Variants in PHLDB2 observed in about 807,000 individuals in gnomAD.
PHLDB2 encodes pleckstrin homology like domain family B member 2.
In PHLDB2, 71 loss-of-function variants were observed where a neutral mutation model predicts 123.6. The observed-to-expected ratio is 0.57, with a 90% CI of 0.47 to 0.70. The LOEUF is 0.70. Ranked by LOEUF, PHLDB2 falls within the 30% of genes least tolerant of loss-of-function variation. The pLI, the probability that PHLDB2 is intolerant of heterozygous loss-of-function variation, is 0.00. For missense variants in PHLDB2, 1,446 were observed against 1,519.5 expected, an observed-to-expected ratio of 0.95 and a Z score of 0.80; for synonymous variants, 547 against 541.6, an observed-to-expected ratio of 1.01 and a Z score of -0.14.
intron 12 of PHLDB2, chr3:111,960,224 G>T (rs1445594195): frequency 5.9e-6 from 4 of 675,750 alleles, no homozygotes. Context: ...CTTAAAAAAA[G>T]ACGCAGCTTC....
chr3:111,733,660 T>C (rs1452557633), intron 1 of PHLDB2, among the ~76,000 whole-genome samples: 3 of 152,238 alleles, frequency 2.0e-5, no homozygotes, highest in African/African-American at 7.2e-5. Flanking sequence ...ATTGAGTGAT[T>C]CTTGAGGAAG....
intron 10 of PHLDB2, chr3:111,949,810 G>A (rs2070591436): frequency 2.0e-6 from 2 of 985,608 alleles, no homozygotes; most frequent in African/African-American, 1.7e-5. Context: ...TACATCTGTC[G>A]ATCCTTTACC....
At chr3:111,748,591 G>A (rs569105724) in intron 1 of PHLDB2, among the ~76,000 whole-genome samples, 7 of 151,894 alleles carry the variant, frequency 4.6e-5, no homozygotes, top group Non-Finnish European at 8.8e-5. Flanking sequence ...GCGCGATCTC[G>A]GCTCACTGCA....
At chr3:111,911,889 T>C (rs932521483) in intron 2 of PHLDB2, among the ~76,000 whole-genome samples, 4 of 152,248 alleles carry the variant, frequency 2.6e-5, no homozygotes, top group African/African-American at 7.2e-5. Context: ...AGGAGTTATG[T>C]TGGTCTGTTC....
chr3:111,760,572 T>A (rs1486976292), intron 1 of PHLDB2, among the ~76,000 whole-genome samples: 2 of 152,182 alleles, frequency 1.3e-5, no homozygotes, highest in Non-Finnish European at 2.9e-5. Flanking sequence ...ACATGGTTAT[T>A]AAAAGGTTTG....
chr3:111,859,111 A>T (rs1559871355), upstream of PHLDB2: 2 of 941,198 alleles, frequency 2.1e-6, no homozygotes, highest in Non-Finnish European at 2.5e-6. Flanking sequence ...CGCAGCTGGT[A>T]AACTTGCCCC....
chr3:111,874,019 A>G (rs1365235046), intron 1 of PHLDB2, among the ~76,000 whole-genome samples: 2 of 152,222 alleles, frequency 1.3e-5, no homozygotes, highest in Non-Finnish European at 2.9e-5. Context: ...GATTTTTCCT[A>G]TATGGATTTG....
chr3:111,960,964 G>C (rs2071373631), intron 12 of PHLDB2, among the ~76,000 whole-genome samples: 1 of 152,188 alleles, frequency 6.6e-6, no homozygotes, highest in Non-Finnish European at 1.5e-5. Context: ...TCAGCGATCA[G>C]AGAGCAAGCC....
At chr3:111,865,534 G>C (rs1055225958) in intron 1 of PHLDB2, among the ~76,000 whole-genome samples, 1 of 152,132 alleles carries the variant, frequency 6.6e-6, no homozygotes, top group Non-Finnish European at 1.5e-5. Context: ...GGAGCAGAAA[G>C]AACATGTAGT....
At chr3:111,938,066 T>C (rs1324808504) in intron 6 of PHLDB2, among the ~76,000 whole-genome samples, 2 of 152,244 alleles carry the variant, frequency 1.3e-5, no homozygotes, top group Non-Finnish European at 2.9e-5. Flanking sequence ...TGGTGGTGTT[T>C]AACCTTTTGA....
chr3:111,894,946 G>GTGTA (rs937923003), intron 2 of PHLDB2, among the ~76,000 whole-genome samples: 1 of 151,546 alleles, frequency 6.6e-6, no homozygotes, highest in African/African-American at 2.4e-5. Flanking sequence ...GTGTGTGTGT[G>GTGTA]TGTATGTATG....
chr3:111,960,198 G>C, intron 12 of PHLDB2: 1 of 857,366 alleles, frequency 1.2e-6, no homozygotes, highest in Non-Finnish European at 1.4e-6. Flanking sequence ...TTTGAGTAAT[G>C]AATTATTTCG....
intron 1 of PHLDB2, among the ~76,000 whole-genome samples, chr3:111,780,271 A>AAAGAAGAAGAAGAAGAAGAAG (rs1553726675): frequency 1.3e-4 from 1 of 7,772 alleles, no homozygotes; most frequent in African/African-American, 4.1e-4. Context: ...AAGAAGAAGA[A>AAAGAAGAAGAAGAAGAAGAAG]AAGAAGAAGA....
At chr3:111,951,183 T>C (rs1360960353) in intron 10 of PHLDB2, among the ~76,000 whole-genome samples, 1 of 152,234 alleles carries the variant, frequency 6.6e-6, no homozygotes, top group African/African-American at 2.4e-5. Context: ...AACTGCAAAG[T>C]ATTATTATCA....
intron 1 of PHLDB2, among the ~76,000 whole-genome samples, chr3:111,825,961 GATT>G (rs1218504610): frequency 6.6e-6 from 1 of 151,794 alleles, no homozygotes; most frequent in Non-Finnish European, 1.5e-5. Context: ...ATAAAATTTG[GATT>G]ATTTTATTTT....
At position 111,948,996 on chromosome 3, in the gene PHLDB2, C is replaced by G; in HGVS notation, c.2552C>G (p.Thr851Ser). ...AATTCCACGAATCTATCCCCTTCCACTCAGTTTCCTGCTGATGCTGATGCT... is the reference window on the plus strand; with the variant it reads ...AATTCCACGAATCTATCCCCTTCCAGTCAGTTTCCTGCTGATGCTGATGCT... The part of the protein sequence containing the change: ...CGNSTNLSPS[T>S]QFPADADAVA... Residue 851 changes from threonine to serine, a missense_variant, in exon 10 of 18, where the codon ACT becomes AGT. Physicochemically the swap from Thr to Ser is moderately conservative, Grantham distance 58. Coordinates refer to ENST00000431670, the MANE Select transcript of PHLDB2 (RefSeq NM_001134438.2). 1.9e-6 allele frequency: 3 copies of G among 1,614,030 alleles called. No individual in the cohort carries two copies. Among genetic ancestry groups the G allele is most frequent in the Non-Finnish European group, 2.5e-6 (3 of 1,179,944 alleles).
intron 1 of PHLDB2, chr3:111,845,802 C>G (rs756255482): frequency 7.4e-6 from 12 of 1,612,220 alleles, no homozygotes; most frequent in Non-Finnish European, 1.0e-5. Context: ...TGGTACCTCT[C>G]TTTTCTTGCT....
intron 1 of PHLDB2, chr3:111,845,741 T>A: frequency 1.3e-6 from 2 of 1,494,836 alleles, no homozygotes. Flanking sequence ...GTTCAACAGA[T>A]GAAGTTCTGT....
intron 1 of PHLDB2, among the ~76,000 whole-genome samples, chr3:111,806,749 G>T (rs2061607196): frequency 6.6e-6 from 1 of 151,742 alleles, no homozygotes; most frequent in African/African-American, 2.4e-5. Flanking sequence ...GCCTCCCAGA[G>T]TGCTGGGATT....
Sources: gnomAD v4.1 joint callset for allele counts (sites outside exome capture counted in the v4.1 genomes callset) on GRCh38, gnomAD v4.1.1 for gene constraint, MANE v1.5 for transcripts, NCBI Gene and HGNC (gene_info 2026-07-23, HGNC 2026-07-21) for gene names.